The following IPO11 variants were observed in gnomAD, a reference collection of about 807,000 sequenced individuals.
The protein encoded by IPO11 is importin-11.
In IPO11, 66 loss-of-function variants were observed where a neutral mutation model predicts 143.2. The observed-to-expected ratio is 0.46, with a 90% CI of 0.38 to 0.57. IPO11 has a LOEUF of 0.57. Among genes scored for constraint, IPO11 ranks in the 20% least tolerant of loss-of-function variants. IPO11 has a pLI of 0.00. For synonymous variants in IPO11, 385 were observed against 377.8 expected (o/e 1.02, Z -0.22); for missense variants, 1,026 against 1,141.0 (o/e 0.90, Z 1.45).
At chr5:62,514,480 C>T (rs1741926237) in intron 19 of IPO11, among the ~76,000 whole-genome samples, 1 of 151,714 alleles carries the variant, frequency 6.6e-6, no homozygotes, top group Admixed American at 6.5e-5. Flanking sequence ...CAATCGCAGG[C>T]ACTTGGCAGG....
chr5:62,538,493 G>C (rs932304608), intron 24 of IPO11, among the ~76,000 whole-genome samples: 1 of 152,084 alleles, frequency 6.6e-6, no homozygotes, highest in African/African-American at 2.4e-5. Context: ...GAGTCCTCAC[G>C]AGATCTGATT....
chr5:62,534,215 CTA>C (rs1207991728), intron 22 of IPO11, among the ~76,000 whole-genome samples: 2 of 151,868 alleles, frequency 1.3e-5, no homozygotes, highest in African/African-American at 4.8e-5. Context: ...TTCTTTAAAT[CTA>C]TGTTATGGTG....
intron 16 of IPO11, among the ~76,000 whole-genome samples, chr5:62,504,053 G>A (rs932856249): frequency 6.6e-5 from 10 of 152,142 alleles, no homozygotes; most frequent in African/African-American, 2.4e-4. Context: ...GATAACACTT[G>A]AAAGAGAATG....
chr5:62,573,596 G>A lies in IPO11; in HGVS notation c.2582+12339G>A, dbSNP rs190407306. On this transcript the variant is annotated intron_variant, in intron 27 of 29. Coordinates refer to ENST00000325324, the MANE Select transcript of IPO11 (RefSeq NM_016338.5). Reference sequence around the variant, plus strand: ...GAGAAAGAACTGCTGATGCTTCTTTGGCGGGTCAAAATAATGGAGATTAAA... The same window carrying A: ...GAGAAAGAACTGCTGATGCTTCTTTAGCGGGTCAAAATAATGGAGATTAAA... Among the ~76,000 whole-genome samples the A allele has an allele frequency of 2.5e-4, 38 of 152,314 alleles. 1 individual carries two copies. In the South Asian group the frequency reaches 2.9e-3, roughly 12 times the overall value.
intron 27 of IPO11, among the ~76,000 whole-genome samples, chr5:62,564,848 G>T (rs1312203245): frequency 6.6e-6 from 1 of 152,178 alleles, no homozygotes; most frequent in Non-Finnish European, 1.5e-5. Context: ...ATTCAGTGAA[G>T]ACTACAGACT....
At chr5:62,614,111 T>G (rs988292843) in intron 29 of IPO11, among the ~76,000 whole-genome samples, 1 of 152,212 alleles carries the variant, frequency 6.6e-6, no homozygotes, top group Non-Finnish European at 1.5e-5. Flanking sequence ...TCTGGAGGTG[T>G]CTCCTTGGAA....
intron 16 of IPO11, among the ~76,000 whole-genome samples, chr5:62,501,385 A>C (rs1741344189): frequency 1.3e-5 from 2 of 152,234 alleles, no homozygotes; most frequent in Admixed American, 6.5e-5. Flanking sequence ...TGTGTTTGAG[A>C]CATCAAAATA....
chr5:62,422,278 C>G lies in IPO11; in HGVS notation c.-7+9349C>G, dbSNP rs556385912. Among the ~76,000 whole-genome samples, 43 of 152,260 alleles carry G rather than the reference C, an allele frequency of 2.8e-4. No homozygotes were observed. In the South Asian group the frequency reaches 8.3e-3, roughly 29 times the overall value. On this transcript the variant is annotated intron_variant, in intron 1 of 29. Coordinates refer to ENST00000325324, the MANE Select transcript of IPO11 (RefSeq NM_016338.5). Reference sequence around the variant, plus strand: ...AGTAGCTGGGATTATAGGTGCCCACCACCATGCTCAGCTAATTTTTGTGTT... The same window carrying G: ...AGTAGCTGGGATTATAGGTGCCCACGACCATGCTCAGCTAATTTTTGTGTT...
Position 62,584,544 on chromosome 5 carries a change from AG to A in IPO11, c.2583-7031del, listed in dbSNP as rs576166805. ...GTGAGGATTGCTTGAGCCCAGCGGGAGGAGGTTGCTGTGAGCTGTGATCACA... is the reference window on the plus strand; with the variant it reads ...GTGAGGATTGCTTGAGCCCAGCGGGAGAGGTTGCTGTGAGCTGTGATCACA... On this transcript the variant is annotated intron_variant, in intron 27 of 29. Transcript: ENST00000325324. Among the ~76,000 whole-genome samples the A allele has an allele frequency of 5.5e-3, 723 of 131,506 alleles. 12 individuals carry two copies. Among genetic ancestry groups the A allele is most frequent in the Non-Finnish European group, 8.0e-3 (512 of 64,216 alleles). The allele number at this position is 131,506 out of a possible 152,430, so 86.3% of individuals were successfully genotyped here.
At chr5:62,493,070 A>G (rs1047331263) in intron 15 of IPO11, among the ~76,000 whole-genome samples, 1 of 152,210 alleles carries the variant, frequency 6.6e-6, no homozygotes, top group Non-Finnish European at 1.5e-5. Flanking sequence ...TTTAGCGAAG[A>G]TGATGAGAGA....
chr5:62,527,438 C>T (rs139489797), intron 21 of IPO11, among the ~76,000 whole-genome samples: 13 of 152,220 alleles, frequency 8.5e-5, no homozygotes, highest in African/African-American at 3.1e-4. Context: ...GAAATAAGTA[C>T]GTGGGTGGAT....
At chr5:62,592,008 C>T (rs1341988807) in intron 28 of IPO11, among the ~76,000 whole-genome samples, 1 of 152,060 alleles carries the variant, frequency 6.6e-6, no homozygotes, top group South Asian at 2.1e-4. Context: ...CACCACCACA[C>T]CTGGCTACTT....
chr5:62,620,683 G>A (rs1746323746), intron 29 of IPO11, among the ~76,000 whole-genome samples: 1 of 152,156 alleles, frequency 6.6e-6, no homozygotes, highest in Admixed American at 6.5e-5. Context: ...GGGTTGTGGA[G>A]ACCAAAGTTT....
At chr5:62,468,355 T>G (rs1745640245) in intron 6 of IPO11, among the ~76,000 whole-genome samples, 1 of 152,234 alleles carries the variant, frequency 6.6e-6, no homozygotes, top group African/African-American at 2.4e-5. Flanking sequence ...TGGCATCGCC[T>G]TAATACATCA....
intron 24 of IPO11, among the ~76,000 whole-genome samples, chr5:62,546,666 G>A (rs1263083567): frequency 6.6e-6 from 1 of 152,018 alleles, no homozygotes; most frequent in African/African-American, 2.4e-5. Flanking sequence ...AAACTAAAGT[G>A]CAAAAGTTCT....
intron 21 of IPO11, among the ~76,000 whole-genome samples, chr5:62,526,953 T>C (rs1206559515): frequency 6.6e-6 from 1 of 152,200 alleles, no homozygotes; most frequent in Non-Finnish European, 1.5e-5. Context: ...GAAATGAACA[T>C]TTGATTCTCT....
chr5:62,554,557 GCTAT>G (rs1317893209), intron 26 of IPO11, among the ~76,000 whole-genome samples: 3 of 151,986 alleles, frequency 2.0e-5, no homozygotes, highest in African/African-American at 7.3e-5. Context: ...AAATATTCAT[GCTAT>G]CTTTTTCTTA....
chr5:62,552,394 C>T (rs1743418158), intron 26 of IPO11, among the ~76,000 whole-genome samples: 1 of 151,398 alleles, frequency 6.6e-6, no homozygotes, highest in Non-Finnish European at 1.5e-5. Flanking sequence ...AGATCCCAAC[C>T]CTTGTTTTGA....
intron 14 of IPO11, 65 bp downstream of exon 14, chr5:62,489,414 G>T: frequency 8.5e-7 from 1 of 1,174,294 alleles, no homozygotes; most frequent in South Asian, 1.5e-5. Context: ...CTGTTTTGTG[G>T]TAGATTTTGT....
Sources: gnomAD v4.1 joint callset for allele counts (sites outside exome capture counted in the v4.1 genomes callset) on GRCh38, gnomAD v4.1.1 for gene constraint, MANE v1.5 for transcripts, NCBI Gene and HGNC (gene_info 2026-07-23, HGNC 2026-07-21) for gene names.